The following COL25A1 variants were observed in gnomAD, a reference collection of about 807,000 sequenced individuals.
The protein encoded by COL25A1 is collagen alpha-1(XXV) chain.
COL25A1 carries 103 observed loss-of-function variants against 128.4 expected under a neutral mutation model. The ratio of observed to expected loss-of-function variants is 0.80; its 90% CI spans 0.68 to 0.94. The LOEUF is 0.94. COL25A1 is among the 40% of genes least tolerant of loss of function. The probability of loss-of-function intolerance (pLI) is 0.00; values close to 1 mark genes in which losing one functional copy is unlikely to be tolerated. For synonymous variants in COL25A1, 279 were observed against 277.2 expected, an observed-to-expected ratio of 1.01 and a Z score of -0.06; for missense variants, 745 against 840.0, an observed-to-expected ratio of 0.89 and a Z score of 1.40.
Position 108,842,648 on chromosome 4 carries a change from T to C in COL25A1, c.1630-927A>G, listed in dbSNP as rs145150237. Reference sequence around the variant, plus strand: ...TTTCAATAAGTTTCAGATAAGGATTTTCAGGAAATGGCTGTTACTTTATCA... The same window carrying C: ...TTTCAATAAGTTTCAGATAAGGATTCTCAGGAAATGGCTGTTACTTTATCA... On this transcript the variant is annotated intron_variant, in intron 30 of 37. Transcript: ENST00000399132. Among the ~76,000 whole-genome samples the C allele has an allele frequency of 4.1e-4, 62 of 152,316 alleles. 1 individual carries two copies. The East Asian group carries it at 6.6e-3, about 16-fold the overall frequency.
At chr4:109,066,357 A>G (rs1391888329) in intron 3 of COL25A1, among the ~76,000 whole-genome samples, 2 of 152,166 alleles carry the variant, frequency 1.3e-5, no homozygotes, top group African/African-American at 4.8e-5. Context: ...CACCTGGCCC[A>G]TCAGGAGGTC....
chr4:109,278,443 T>A (rs6833467), intron 3 of COL25A1, among the ~76,000 whole-genome samples: 40,853 of 152,130 alleles, frequency 0.27, 9,102 homozygotes, highest in African/African-American at 0.61. Flanking sequence ...TCCTATAATT[T>A]TTTGGAAAAT....
chr4:108,918,411 T>C (rs1745113827), intron 12 of COL25A1, among the ~76,000 whole-genome samples, 195 bp from the exon 13 acceptor site: 2 of 152,206 alleles, frequency 1.3e-5, no homozygotes, highest in Non-Finnish European at 2.9e-5. Context: ...GAGTTAAAAT[T>C]AAACCTTGCT....
intron 19 of COL25A1, among the ~76,000 whole-genome samples, chr4:108,871,464 C>T (rs1420580340): frequency 2.0e-5 from 3 of 152,058 alleles, no homozygotes; most frequent in South Asian, 2.1e-4. Context: ...TACAGGCGCC[C>T]GCCACTACGC....
At chr4:109,016,209 G>A (rs765562406) in intron 5 of COL25A1, among the ~76,000 whole-genome samples, 2 of 152,236 alleles carry the variant, frequency 1.3e-5, no homozygotes, top group African/African-American at 4.8e-5. Flanking sequence ...AGTTGTGGCC[G>A]AGCCCAGACA....
intron 5 of COL25A1, among the ~76,000 whole-genome samples, chr4:109,026,100 GCACACACACACACACACA>G (rs56718544): frequency 7.3e-6 from 1 of 137,046 alleles, no homozygotes; most frequent in African/African-American, 2.7e-5. Flanking sequence ...AAAACACTTT[GCACACACACACACACACA>G]CACACACACA....
intron 3 of COL25A1, among the ~76,000 whole-genome samples, chr4:109,214,602 A>T (rs1777841602): frequency 7.3e-6 from 1 of 136,222 alleles, no homozygotes; most frequent in African/African-American, 3.0e-5. Context: ...TTGGAGATAT[A>T]TAAATATATA....
At position 109,046,482 on chromosome 4, in the gene COL25A1, C is replaced by G. The variant is rs374017760; in HGVS notation, c.420+1686G>C. On this transcript the variant is annotated intron_variant, in intron 5 of 37. Transcript: ENST00000399132. ...CTAATGTGGATTCCAAAAAAAGAAG[C>G]CTTGAACACTCTACTCCAGCCGTAA... Among the ~76,000 whole-genome samples, 13 of 152,222 alleles carry G rather than the reference C, an allele frequency of 8.5e-5. No individual in the cohort carries two copies. In the East Asian group the frequency reaches 1.7e-3, roughly 20 times the overall value.
chr4:109,044,461 ATTAG>A lies in COL25A1; in HGVS notation c.420+3703_420+3706del, dbSNP rs535690829. 8.0e-4 allele frequency among the ~76,000 whole-genome samples: 121 copies of A among 151,918 alleles called. 1 individual carries two copies. Among genetic ancestry groups the A allele is most frequent in the South Asian group, 2.5e-3 (12 of 4,828 alleles). On this transcript the variant is annotated intron_variant, in intron 5 of 37. Coordinates refer to ENST00000399132, the MANE Select transcript of COL25A1 (RefSeq NM_198721.4). ...TATCCCCTGGGCCATCTAATTTTTT[ATTAG>A]TTAGTTTGTTTGTTTTACTGAGTGT...
intron 3 of COL25A1, among the ~76,000 whole-genome samples, chr4:109,104,658 T>C (rs1234083418): frequency 6.6e-6 from 1 of 152,098 alleles, no homozygotes. Context: ...CCTTTAGGAA[T>C]GTAACAACAA....
intron 3 of COL25A1, among the ~76,000 whole-genome samples, chr4:109,066,568 C>T (rs1349985474): frequency 6.6e-6 from 1 of 152,200 alleles, no homozygotes; most frequent in East Asian, 1.9e-4. Flanking sequence ...TCTAATTCAT[C>T]TTTGAACTCT....
chr4:108,930,747 A>T (rs548590382), intron 11 of COL25A1, among the ~76,000 whole-genome samples: 73 of 152,336 alleles, frequency 4.8e-4, no homozygotes, highest in African/African-American at 1.7e-3. Flanking sequence ...GAACTTTCCA[A>T]GTCATCATGA....
chr4:108,812,136 C>T lies in COL25A1; in HGVS notation c.*1791G>A. ...AAGCCATTTCAAAACACGCTACCAA[C>T]TCTTTACTGTGCAAAGAAATGTTCC... On this transcript the variant is annotated 3_prime_UTR_variant, in exon 38 of 38. Transcript: ENST00000399132. The T allele has an allele frequency of 6.6e-6, 1 of 152,192 alleles. No homozygotes were observed. Among genetic ancestry groups the T allele is most frequent in the East Asian group, 1.9e-4 (1 of 5,192 alleles). 9.4% of individuals were successfully genotyped at this position (152,192 alleles called of 1,614,324 possible). A position where few individuals can be genotyped will look rare whatever the true frequency, so the allele number is the denominator to read the frequency against.
intron 6 of COL25A1, among the ~76,000 whole-genome samples, chr4:108,993,351 A>G (rs1460352576): frequency 6.6e-6 from 1 of 152,160 alleles, no homozygotes; most frequent in Non-Finnish European, 1.5e-5. Context: ...GTTGTTGCAA[A>G]TGACAGGATT....
At chr4:109,135,041 A>C (rs1438255222) in intron 3 of COL25A1, among the ~76,000 whole-genome samples, 2 of 151,598 alleles carry the variant, frequency 1.3e-5, no homozygotes, top group Non-Finnish European at 1.5e-5. Flanking sequence ...AAAAAAAAAA[A>C]AAAAACCAAG....
chr4:109,234,400 G>A (rs965270211), intron 3 of COL25A1, among the ~76,000 whole-genome samples: 4 of 152,024 alleles, frequency 2.6e-5, no homozygotes, highest in African/African-American at 7.2e-5. Context: ...GCCAACTATG[G>A]CAATTTCTTC....
chr4:109,173,540 TA>T (rs1400294325), intron 3 of COL25A1, among the ~76,000 whole-genome samples: 4 of 152,226 alleles, frequency 2.6e-5, no homozygotes, highest in African/African-American at 4.8e-5. Flanking sequence ...CTTTTTTTAA[TA>T]TGAAATTGAT....
intron 13 of COL25A1, among the ~76,000 whole-genome samples, chr4:108,908,650 C>A (rs549172824): frequency 6.6e-6 from 1 of 152,296 alleles, no homozygotes; most frequent in Non-Finnish European, 1.5e-5. Flanking sequence ...GCCCGCTGCC[C>A]AGACAGAGCC....
At chr4:109,180,556 T>C (rs995387112) in intron 3 of COL25A1, among the ~76,000 whole-genome samples, 3 of 152,144 alleles carry the variant, frequency 2.0e-5, no homozygotes, top group African/African-American at 7.2e-5. Flanking sequence ...TAAAAAATAC[T>C]TAGAATAGCA....
Sources: gnomAD v4.1 joint callset for allele counts (sites outside exome capture counted in the v4.1 genomes callset) on GRCh38, gnomAD v4.1.1 for gene constraint, MANE v1.5 for transcripts, NCBI Gene and HGNC (gene_info 2026-07-23, HGNC 2026-07-21) for gene names.